The following ANO6 variants were observed in gnomAD, a reference collection of about 807,000 sequenced individuals.
ANO6 encodes anoctamin-6.
ANO6 carries 106 observed loss-of-function variants against 117.5 expected under a neutral mutation model. The observed-to-expected ratio is 0.90, with a 90% CI of 0.77 to 1.06. The LOEUF is 1.06. ANO6 is among the 50% of genes least tolerant of loss of function. The pLI is 0.00. For missense variants in ANO6, 955 were observed against 1,121.1 expected, an observed-to-expected ratio of 0.85 and a Z score of 2.12; for synonymous variants, 367 against 385.1, an observed-to-expected ratio of 0.95 and a Z score of 0.55.
At chr12:45,228,645 T>C (rs922559320) in intron 1 of ANO6, among the ~76,000 whole-genome samples, 6 of 152,074 alleles carry the variant, frequency 3.9e-5, no homozygotes, top group African/African-American at 1.4e-4. Flanking sequence ...ACTGGAGACA[T>C]GGAAATACGG....
At chr12:45,294,756 C>T (rs535413655) in intron 1 of ANO6, among the ~76,000 whole-genome samples, 45 of 152,018 alleles carry the variant, frequency 3.0e-4, no homozygotes, top group Admixed American at 9.8e-4. Context: ...TGTAGTTATT[C>T]GAAAATGATT....
At chr12:45,237,250 T>G (rs1037086682) in intron 1 of ANO6, among the ~76,000 whole-genome samples, 1 of 152,240 alleles carries the variant, frequency 6.6e-6, no homozygotes, top group Non-Finnish European at 1.5e-5. Context: ...TTTGTCTATT[T>G]TGGCTTATGT....
intron 9 of ANO6, among the ~76,000 whole-genome samples, chr12:45,370,966 G>A (rs943916568): frequency 1.3e-5 from 2 of 152,162 alleles, no homozygotes; most frequent in Admixed American, 1.3e-4. Flanking sequence ...ATCTCACTAG[G>A]GAGTGCCAGA....
intron 3 of ANO6, among the ~76,000 whole-genome samples, chr12:45,335,196 C>G (rs1940790603): frequency 6.6e-6 from 1 of 151,982 alleles, no homozygotes; most frequent in South Asian, 2.1e-4. Context: ...GCAAAAGGAT[C>G]TGGCCAGTGG....
intron 19 of ANO6, among the ~76,000 whole-genome samples, chr12:45,438,926 G>A (rs1943739188): frequency 6.6e-6 from 1 of 152,160 alleles, no homozygotes; most frequent in South Asian, 2.1e-4. Context: ...GAAAAGAGAT[G>A]TTCAATAAAT....
Position 45,357,344 on chromosome 12 carries a change from T to C in ANO6, c.918T>C (p.Thr306=). 1 of 1,614,084 alleles carries C rather than the reference T, an allele frequency of 6.2e-7. No homozygotes were observed. The change falls in exon 8 of 20, where the codon ACT becomes ACC. Residue 306 remains threonine (T), a synonymous_variant. Coordinates refer to ENST00000320560, the MANE Select transcript of ANO6 (RefSeq NM_001025356.3). ...ACTTTGCTTGGCTGGGCTATTACAC[T>C]CAGATGCTTCTCCTGGCCGCAGTTG... ...GIYFAWLGYY[T]QMLLLAAVVG...
chr12:45,401,911 C>T lies in ANO6; in HGVS notation c.1503C>T (p.Tyr501=). 6.2e-7 allele frequency: 1 copy of T among 1,614,024 alleles called. No homozygotes were observed. Among genetic ancestry groups the T allele is most frequent in the Non-Finnish European group, 8.5e-7 (1 of 1,179,994 alleles). ...ATGGAACAGACCCAATCCAGAAATACCTGACTCCACAGACAGCCACGTCCA... is the reference window on the plus strand; with the variant it reads ...ATGGAACAGACCCAATCCAGAAATATCTGACTCCACAGACAGCCACGTCCA... ...NINGTDPIQK[Y]LTPQTATSIT... The change falls in exon 13 of 20, where the codon TAC becomes TAT. Residue 501 remains tyrosine (Y), a synonymous_variant. Transcript: ENST00000320560.
In ANO6 at chr12:45,388,148, GTC is replaced by G; in HGVS notation, c.1166-7_1166-6del. The stretch of plus-strand genomic sequence containing the variant: ...ATTGAAAATCCACACAAGCTCTTCT[GTC>G]TCTCTGTTAGTTACCTTGTTTTTGG... On this transcript the variant is annotated splice_polypyrimidine_tract_variant and intron_variant, in intron 10 of 19. Transcript: ENST00000320560. 1.2e-6 allele frequency: 2 copies of G among 1,613,706 alleles called. No individual in the cohort carries two copies. The highest frequency in any genetic ancestry group is 1.7e-6 in the Non-Finnish European group (2 of 1,179,716).
intron 9 of ANO6, among the ~76,000 whole-genome samples, chr12:45,368,439 A>G (rs375310531): frequency 1.3e-5 from 2 of 152,244 alleles, no homozygotes; most frequent in Non-Finnish European, 1.5e-5. Context: ...GACTGTCTCT[A>G]TAACTATGCA....
intron 2 of ANO6, among the ~76,000 whole-genome samples, chr12:45,318,407 C>T (rs1940128583): frequency 6.6e-6 from 1 of 152,160 alleles, no homozygotes; most frequent in Non-Finnish European, 1.5e-5. Flanking sequence ...TTGTTTTTCT[C>T]AGGTTTGTCA....
chr12:45,317,987 A>C (rs1425496127), intron 2 of ANO6, among the ~76,000 whole-genome samples: 1 of 152,074 alleles, frequency 6.6e-6, no homozygotes, highest in Admixed American at 6.5e-5. Flanking sequence ...GTTTTCTTGT[A>C]AATTTGTTTG....
intron 10 of ANO6, among the ~76,000 whole-genome samples, chr12:45,378,671 T>C (rs1029905480): frequency 3.9e-5 from 6 of 152,124 alleles, no homozygotes; most frequent in African/African-American, 1.2e-4. Context: ...TGTGGGGCGG[T>C]GGGAGTACTA....
chr12:45,323,498 A>C (rs1016433148), intron 2 of ANO6, among the ~76,000 whole-genome samples: 1 of 152,234 alleles, frequency 6.6e-6, no homozygotes, highest in Non-Finnish European at 1.5e-5. Context: ...GTAATGAATA[A>C]AGAACGGTTA....
At chr12:45,298,383 T>C (rs1939366851) in intron 1 of ANO6, among the ~76,000 whole-genome samples, 1 of 152,246 alleles carries the variant, frequency 6.6e-6, no homozygotes, top group Admixed American at 6.5e-5. Flanking sequence ...TTGATTCTGC[T>C]CATTTTAATA....
At position 45,431,127 on chromosome 12, in the gene ANO6, A is replaced by G. The variant is rs1943622230; in HGVS notation, c.*1816A>G. 1.0e-6 allele frequency: 1 copy of G among 985,144 alleles called. No individual in the cohort carries two copies. The highest frequency in any genetic ancestry group is 1.2e-6 in the Non-Finnish European group (1 of 829,842). The allele number at this position is 985,144 out of a possible 1,614,324, so 61.0% of individuals were successfully genotyped here. A position where few individuals can be genotyped will look rare whatever the true frequency, so the allele number is the denominator to read the frequency against. ...CCCAGTGGATCCGGGACCCCATTTC[A>G]CTGTCTCTCTTGATCGTGTTAATGA... On this transcript the variant is annotated 3_prime_UTR_variant, in exon 20 of 20. Coordinates refer to ENST00000320560, the MANE Select transcript of ANO6 (RefSeq NM_001025356.3).
At chr12:45,223,740 T>A (rs532635606) in intron 1 of ANO6, among the ~76,000 whole-genome samples, 2 of 152,336 alleles carry the variant, frequency 1.3e-5, no homozygotes, top group East Asian at 3.9e-4. Context: ...ATATTGTACA[T>A]ATTCCATTGC....
intron 1 of ANO6, among the ~76,000 whole-genome samples, chr12:45,230,395 A>G (rs1947557167): frequency 6.6e-6 from 1 of 150,998 alleles, no homozygotes; most frequent in South Asian, 2.1e-4. Context: ...GGGTAATGAT[A>G]CTCTACTTGG....
intron 9 of ANO6, among the ~76,000 whole-genome samples, chr12:45,371,820 G>A (rs1941846728): frequency 6.6e-6 from 1 of 152,174 alleles, no homozygotes; most frequent in Non-Finnish European, 1.5e-5. Context: ...TCCTCCAAAG[G>A]AACGCAGTTC....
At chr12:45,290,815 C>G (rs1939069110) in intron 1 of ANO6, among the ~76,000 whole-genome samples, 1 of 152,122 alleles carries the variant, frequency 6.6e-6, no homozygotes, top group Non-Finnish European at 1.5e-5. Context: ...TATGAGATGG[C>G]AAGTTGTCCA....
Sources: allele counts gnomAD v4.1 joint callset (sites outside exome capture counted in the v4.1 genomes callset), GRCh38; gene constraint gnomAD v4.1.1; transcripts MANE v1.5; gene names NCBI Gene and HGNC (gene_info 2026-07-23, HGNC 2026-07-21).